Variants in CHD5 observed in about 807,000 individuals in gnomAD.
The protein encoded by CHD5 is chromodomain helicase DNA binding protein 5.
CHD5 carries 69 observed loss-of-function variants against 230.3 expected under a neutral mutation model. The observed-to-expected ratio is 0.30, with a 90% CI of 0.25 to 0.37. The LOEUF (loss-of-function observed/expected upper bound fraction) is 0.37. Ranked by LOEUF, CHD5 falls within the 10% of genes least tolerant of loss-of-function variation. CHD5 has a pLI of 1.00. For missense variants in CHD5, 1,827 were observed against 2,622.8 expected (o/e 0.70, Z 6.63); for synonymous variants, 1,064 against 1,065.9 (o/e 1.00, Z 0.03).
At position 6,154,449 on chromosome 1, in the gene CHD5, C is replaced by A. The variant is rs1353388996; in HGVS notation, c.745+211G>T. ...TCATCGCCTCTGCTTCTCCACCAAC[C>A]CCAAAAGGGAGTCAGGCACAAAAGA... is the stretch of plus-strand genomic sequence containing the variant. On this transcript the variant is annotated intron_variant, in intron 5 of 41. Coordinates refer to ENST00000262450, the MANE Select transcript of CHD5 (RefSeq NM_015557.3). The surrounding 1 kb of genome is among the most constrained non-coding windows in gnomAD (Gnocchi z 7.0). Among the ~76,000 whole-genome samples, 1 of 152,174 alleles carries A rather than the reference C, an allele frequency of 6.6e-6. No individual in the cohort carries two copies. The highest frequency in any genetic ancestry group is 2.4e-5 in the African/African-American group (1 of 41,460).
Position 6,149,327 on chromosome 1 carries a change from G to C in CHD5, c.1080C>G (p.Thr360=), listed in dbSNP as rs1666962090. The part of the protein sequence containing the change: ...QQGGEIILCD[T]CPRAYHLVCL... ...ATACGAGATGGTAGGCCCTCGGGCA[G>C]GTGTCGCACAGGATGATCTCCCCAC... is the stretch of plus-strand genomic sequence containing the variant. Residue 360 remains threonine (T), a synonymous_variant, in exon 8 of 42, where the codon ACC becomes ACG. Transcript: ENST00000262450. 1.9e-6 allele frequency: 3 copies of C among 1,613,164 alleles called. No homozygotes were observed. The highest frequency in any genetic ancestry group is 1.7e-5 in the Admixed American group (1 of 59,892).
intron 1 of CHD5, among the ~76,000 whole-genome samples, chr1:6,179,704 C>G (rs1667483324): frequency 6.8e-6 from 1 of 146,652 alleles, no homozygotes; most frequent in Non-Finnish European, 1.5e-5. Flanking sequence ...GCGTCGCCGC[C>G]CGGGGGGCCC....
Position 6,148,972 on chromosome 1 carries a change from C to A in CHD5, c.1265G>T (p.Cys422Phe). 1 of 1,607,456 alleles carries A rather than the reference C, an allele frequency of 6.2e-7. No homozygotes were observed. Among genetic ancestry groups the A allele is most frequent in the Non-Finnish European group, 8.5e-7 (1 of 1,177,150 alleles). Residue 422 changes from cysteine to phenylalanine, a missense_variant, in exon 9 of 42, where the codon TGC becomes TTC. Coordinates refer to ENST00000262450, the MANE Select transcript of CHD5 (RefSeq NM_015557.3). ...GCAGAGCAGCTCGCCCCCGTCCTTG[C>A]ACACGCGGCAGAACTCCATGTGGTC... ...EDDHMEFCRV[C>F]KDGGELLCCD...
In CHD5 at chr1:6,155,540, C is replaced by T. The variant is rs958650627; in HGVS notation, c.506+59G>A. The T allele has an allele frequency of 1.2e-5, 18 of 1,461,592 alleles. No homozygotes were observed. The highest frequency in any genetic ancestry group is 1.1e-4 in the African/African-American group (8 of 71,472). The allele number at this position is 1,461,592 out of a possible 1,614,324, so 90.5% of individuals were successfully genotyped here. A position where few individuals can be genotyped will look rare whatever the true frequency, so the allele number is the denominator to read the frequency against. ...GGGCTTCACTCCTCTGCCTCCCTCCCGACTTGGTACCACCAGAGGATGTGC... is the reference window on the plus strand; with the variant it reads ...GGGCTTCACTCCTCTGCCTCCCTCCTGACTTGGTACCACCAGAGGATGTGC... On this transcript the variant is annotated intron_variant, in intron 4 of 41. Coordinates refer to ENST00000262450, the MANE Select transcript of CHD5 (RefSeq NM_015557.3). This position sits in a 1 kb window ranked among gnomAD's most constrained non-coding sequence, Gnocchi z 4.0.
chr1:6,168,607 A>G (rs559686698), intron 1 of CHD5, among the ~76,000 whole-genome samples: 1 of 152,338 alleles, frequency 6.6e-6, no homozygotes, highest in East Asian at 1.9e-4. Flanking sequence ...TCACTGCCGG[A>G]GAAACGGAGC....
chr1:6,143,577 G>A (rs558472366), intron 13 of CHD5, among the ~76,000 whole-genome samples: 2 of 152,312 alleles, frequency 1.3e-5, no homozygotes, highest in African/African-American at 4.8e-5. Context: ...GACACCCAGG[G>A]AGCTCTGCTG....
chr1:6,143,952 C>A, intron 12 of CHD5, 21 bp from the exon 13 acceptor site: 1 of 1,614,108 alleles, frequency 6.2e-7, no homozygotes, highest in Non-Finnish European at 8.5e-7. Flanking sequence ...GCATTGGAGG[C>A]AGGTGAGCAA....
At chr1:6,149,181 AG>A in intron 8 of CHD5, 64 bp downstream of exon 8, 1 of 1,483,448 alleles carries the variant, frequency 6.7e-7, no homozygotes, top group Non-Finnish European at 9.0e-7. Flanking sequence ...CCCCCAAATG[AG>A]GGCACAGGGG....
At position 6,125,721 on chromosome 1, in the gene CHD5, G is replaced by A. The variant is rs776987738; in HGVS notation, c.4171+45C>T. 1 of 1,590,144 alleles carries A rather than the reference G, an allele frequency of 6.3e-7. No homozygotes were observed. Among genetic ancestry groups the A allele is most frequent in the Non-Finnish European group, 8.6e-7 (1 of 1,158,298 alleles). On this transcript the variant is annotated intron_variant, in intron 27 of 41. Coordinates refer to ENST00000262450, the MANE Select transcript of CHD5 (RefSeq NM_015557.3). This position sits in a 1 kb window ranked among gnomAD's most constrained non-coding sequence, Gnocchi z 6.7. ...CGCTCCTGCTGCCATCAGCTCCCCT[G>A]ACATGGCCTCAGCAGTAGCCCAGAC...
rs2843493 is a variant in CHD5, at chr1:6,124,032, A to G, written c.4615T>C (p.Ser1539Pro). Residue 1539 changes from serine to proline, a missense_variant, in exon 31 of 42, where the codon TCG (serine) becomes CCG (proline). This residue lies in a region of CHD5 where 108 missense variants were observed against 152.4 expected (regional missense o/e 0.71). Transcript: ENST00000262450. ...GGGTCCGAGGAGATCACCTCGCCCG[A>G]CTTCTTCCCCTCGGGCCCCTCAGGG... ...LIPEGPEGKK[S>P]GEVISSDPNT... 961,888 of 1,611,694 alleles carry G rather than the reference A, an allele frequency of 0.6. 294,319 individuals are homozygous for G. Among genetic ancestry groups the G allele is most frequent in the East Asian group, 1 (44,459 of 44,638 alleles).
chr1:6,164,756 C>T (rs780818214), intron 2 of CHD5, among the ~76,000 whole-genome samples: 24 of 152,192 alleles, frequency 1.6e-4, no homozygotes, highest in Non-Finnish European at 3.2e-4. Flanking sequence ...CTCTCAAATG[C>T]AGGGGAGGGG....
In CHD5 at chr1:6,102,079, C is replaced by G. The variant is rs572005729; in HGVS notation, c.*3395G>C. 1.1e-4 allele frequency: 41 copies of G among 387,930 alleles called. No homozygotes were observed. The highest frequency in any genetic ancestry group is 2.0e-4 in the Non-Finnish European group (40 of 195,680). The allele number at this position is 387,930 out of a possible 1,614,324, so 24.0% of individuals were successfully genotyped here. On this transcript the variant is annotated 3_prime_UTR_variant, in exon 42 of 42. Transcript: ENST00000262450. ...GGCCCCCTCTTAGCTGGGCCTGGGCCGGTGGAGTCTGCTCCCTCCACACCC... is the reference window on the plus strand; with the variant it reads ...GGCCCCCTCTTAGCTGGGCCTGGGCGGGTGGAGTCTGCTCCCTCCACACCC...
chr1:6,126,775 G>C lies in CHD5; in HGVS notation c.3904-29C>G. 6.2e-7 allele frequency: 1 copy of C among 1,603,470 alleles called. No individual in the cohort carries two copies. Among genetic ancestry groups the C allele is most frequent in the Non-Finnish European group, 8.5e-7 (1 of 1,172,812 alleles). On this transcript the variant is annotated intron_variant, in intron 25 of 41. Transcript: ENST00000262450. This position sits in a 1 kb window ranked among gnomAD's most constrained non-coding sequence, Gnocchi z 5.7. ...GGGACGCAGCACCACGGGTTCCATG[G>C]GTGGAGCCATCTCTGCCCTCCCGGA... is the stretch of plus-strand genomic sequence containing the variant.
intron 38 of CHD5, among the ~76,000 whole-genome samples, chr1:6,109,231 G>A (rs908162549): frequency 7.9e-5 from 12 of 152,132 alleles, no homozygotes; most frequent in African/African-American, 2.9e-4. Flanking sequence ...CTGGGCACAG[G>A]ATCAGAGTAC....
chr1:6,148,614 C>T (rs1453259504), intron 9 of CHD5, among the ~76,000 whole-genome samples: 1 of 152,190 alleles, frequency 6.6e-6, no homozygotes, highest in African/African-American at 2.4e-5. Context: ...CACCTGTCTG[C>T]CTTTCCCTAA....
Position 6,135,313 on chromosome 1 carries a change from G to A in CHD5, c.2787C>T (p.Leu929=), listed in dbSNP as rs776624332. 6.8e-6 allele frequency: 11 copies of A among 1,614,160 alleles called. No homozygotes were observed. The highest frequency in any genetic ancestry group is 2.2e-5 in the East Asian group (1 of 44,874). The part of the protein sequence containing the change: ...KLHDLLGPHM[L]RRLKADVFKN... ...TGAACACGTCAGCCTTGAGCCGCCTGAGCATGTGCGGCCCCAGCAGGTCAT... is the reference window on the plus strand; with the variant it reads ...TGAACACGTCAGCCTTGAGCCGCCTAAGCATGTGCGGCCCCAGCAGGTCAT... Residue 929 remains leucine (L), a synonymous_variant, in exon 18 of 42, where the codon CTC becomes CTT. Coordinates refer to ENST00000262450, the MANE Select transcript of CHD5 (RefSeq NM_015557.3).
At chr1:6,119,468 C>A (rs1248827262) in intron 33 of CHD5, among the ~76,000 whole-genome samples, 1 of 152,164 alleles carries the variant, frequency 6.6e-6, no homozygotes, top group East Asian at 1.9e-4. Context: ...TAGAAGCACA[C>A]TTCACAAGAA....
intron 1 of CHD5, among the ~76,000 whole-genome samples, chr1:6,170,697 G>A (rs1476880108): frequency 1.3e-5 from 2 of 152,226 alleles, no homozygotes; most frequent in African/African-American, 2.4e-5. Context: ...GCCCCAAGCA[G>A]CCAGGGGCAG....
At chr1:6,110,069 G>A in intron 37 of CHD5, 79 bp from the exon 38 acceptor site, 2 of 1,290,724 alleles carry the variant, frequency 1.5e-6, no homozygotes, top group Non-Finnish European at 2.1e-6. Flanking sequence ...CCCACCCCAG[G>A]CCAAGGCTCC....
Sources: gnomAD v4.1 joint callset for allele counts (sites outside exome capture counted in the v4.1 genomes callset) on GRCh38, gnomAD v4.1.1 for gene constraint, gnomAD v4.1.1 regional missense constraint, Gnocchi (gnomAD v3.1) non-coding constraint, MANE v1.5 for transcripts, NCBI Gene and HGNC (gene_info 2026-07-23, HGNC 2026-07-21) for gene names.